RPS6KA2: variants seen among roughly 807,000 people sequenced by gnomAD.
RPS6KA2 encodes the protein ribosomal protein S6 kinase A2, also known as ribosomal protein S6 kinase alpha-2.
A neutral mutation model predicts 91.8 loss-of-function variants in RPS6KA2; 42 were observed. The observed-to-expected ratio is 0.46, with a 90% CI of 0.36 to 0.59. The LOEUF is 0.59. RPS6KA2 is among the 20% of genes least tolerant of loss of function. The pLI is 0.00. For missense variants in RPS6KA2, 798 were observed against 978.5 expected (o/e 0.82, Z 2.46); for synonymous variants, 414 against 393.6 (o/e 1.05, Z -0.61).
chr6:166,538,598 AG>A (rs777634457), intron 2 of RPS6KA2, 69 bp downstream of exon 2: 41 of 861,472 alleles, frequency 4.8e-5, no homozygotes, highest in Middle Eastern at 2.2e-4. Flanking sequence ...ATTTTCATCC[AG>A]GGGGGCTCTG....
chr6:166,720,990 A>G (rs1403952694), intron 2 of RPS6KA2, among the ~76,000 whole-genome samples: 2 of 152,210 alleles, frequency 1.3e-5, no homozygotes, highest in African/African-American at 4.8e-5. Flanking sequence ...GTTAAAAGTC[A>G]TCTTACATAC....
intron 2 of RPS6KA2, among the ~76,000 whole-genome samples, chr6:166,700,441 T>C (rs944578482): frequency 3.9e-5 from 6 of 152,180 alleles, no homozygotes; most frequent in African/African-American, 1.4e-4. Flanking sequence ...TTTAAATTTA[T>C]TTTTTAAAAA....
chr6:166,805,697 A>G (rs1779476377), intron 2 of RPS6KA2, among the ~76,000 whole-genome samples: 1 of 152,200 alleles, frequency 6.6e-6, no homozygotes, highest in South Asian at 2.1e-4. Context: ...ATTAGATTCC[A>G]ATGTCCAGTT....
intron 2 of RPS6KA2, among the ~76,000 whole-genome samples, chr6:166,741,029 C>T (rs997520901): frequency 5.9e-5 from 9 of 152,212 alleles, no homozygotes; most frequent in Non-Finnish European, 1.5e-5. Flanking sequence ...CATGCAGCAA[C>T]GTTCAACAGC....
rs991894747 is a variant in RPS6KA2, at chr6:166,612,195, G to C, written c.99+14726C>G. 6.6e-6 allele frequency among the ~76,000 whole-genome samples: 1 copy of C among 152,084 alleles called. No homozygotes were observed. Among genetic ancestry groups the C allele is most frequent in the African/African-American group, 2.4e-5 (1 of 41,398 alleles). The stretch of plus-strand genomic sequence containing the variant: ...CAGGGAACTCACTGACCATCTGGGG[G>C]GGCTCTAGGAAAAGCCTGGAAGAGA... On this transcript the variant is annotated intron_variant, in intron 1 of 20. Coordinates refer to ENST00000265678, the MANE Select transcript of RPS6KA2 (RefSeq NM_021135.6). This position sits in a 1 kb window ranked among gnomAD's most constrained non-coding sequence, Gnocchi z 4.3.
intron 2 of RPS6KA2, among the ~76,000 whole-genome samples, chr6:166,783,870 C>T (rs1411217761): frequency 2.0e-5 from 2 of 99,494 alleles, no homozygotes; most frequent in Non-Finnish European, 4.3e-5. Context: ...CACGTGCACA[C>T]CTACGCATCA....
chr6:166,560,237 C>T (rs1038251226), intron 1 of RPS6KA2, among the ~76,000 whole-genome samples: 1 of 152,214 alleles, frequency 6.6e-6, no homozygotes, highest in Admixed American at 6.5e-5. Context: ...GGTTCTATCA[C>T]CAATGGGCCC....
intron 1 of RPS6KA2, among the ~76,000 whole-genome samples, chr6:166,573,630 C>G (rs1784754310): frequency 6.6e-6 from 1 of 152,220 alleles, no homozygotes; most frequent in Non-Finnish European, 1.5e-5. Context: ...CACACTGACT[C>G]TGTGGCTCCG....
At chr6:166,711,503 C>T (rs948061358) in intron 2 of RPS6KA2, among the ~76,000 whole-genome samples, 5 of 150,796 alleles carry the variant, frequency 3.3e-5, no homozygotes, top group African/African-American at 1.2e-4. Context: ...CAAGCAATCA[C>T]AAACCAGCCT....
intron 2 of RPS6KA2, among the ~76,000 whole-genome samples, chr6:166,793,472 A>G (rs1431644773): frequency 4.0e-5 from 6 of 150,218 alleles, no homozygotes; most frequent in African/African-American, 1.2e-4. Context: ...CAAGCTACCA[A>G]TGACTTTCTT....
chr6:166,836,348 C>A, intron 2 of RPS6KA2, among the ~76,000 whole-genome samples: 1 of 152,132 alleles, frequency 6.6e-6, no homozygotes, highest in East Asian at 1.9e-4. Context: ...CGATAGAATT[C>A]ACTAGTGAAT....
chr6:166,653,236 T>C (rs1219692935), intron 2 of RPS6KA2, among the ~76,000 whole-genome samples: 1 of 152,238 alleles, frequency 6.6e-6, no homozygotes, highest in Non-Finnish European at 1.5e-5. Context: ...AATTTTTGTA[T>C]GTTTAGTAGA....
intron 2 of RPS6KA2, among the ~76,000 whole-genome samples, chr6:166,775,029 C>A (rs943425100): frequency 6.6e-6 from 1 of 152,154 alleles, no homozygotes; most frequent in Admixed American, 6.5e-5. Context: ...GCCCAGCCTG[C>A]ACCTGCGCTC....
At chr6:166,845,373 T>G (rs1780580092) in intron 2 of RPS6KA2, among the ~76,000 whole-genome samples, 1 of 152,128 alleles carries the variant, frequency 6.6e-6, no homozygotes, top group Non-Finnish European at 1.5e-5. Context: ...TTAACAGATA[T>G]TTACAGAACA....
In RPS6KA2 at chr6:166,554,288, C is replaced by T. The variant is rs552422056; in HGVS notation, c.100-15504G>A. 6.6e-4 allele frequency among the ~76,000 whole-genome samples: 101 copies of T among 152,300 alleles called. No individual in the cohort carries two copies. Among genetic ancestry groups the T allele is most frequent in the Non-Finnish European group, 1.1e-3 (73 of 68,028 alleles). On this transcript the variant is annotated intron_variant, in intron 1 of 20. Transcript: ENST00000265678. The surrounding 1 kb of genome is among the most constrained non-coding windows in gnomAD (Gnocchi z 4.3). The stretch of plus-strand genomic sequence containing the variant: ...AGTAAGAGATCTGCAAAATTTTGCT[C>T]GTTCGTGAGCATTTTAGCTTCTGTT...
chr6:166,774,396 C>T (rs979164635), intron 2 of RPS6KA2, among the ~76,000 whole-genome samples: 1 of 152,214 alleles, frequency 6.6e-6, no homozygotes, highest in Non-Finnish European at 1.5e-5. Context: ...TGGACACTTT[C>T]AAGTGGTGCT....
rs1781743356 is a variant in RPS6KA2, at chr6:166,495,175, C to T, written c.747+3333G>A. On this transcript the variant is annotated intron_variant, in intron 8 of 20. Transcript: ENST00000265678. The surrounding 1 kb of genome is among the most constrained non-coding windows in gnomAD (Gnocchi z 4.4). Reference sequence around the variant, plus strand: ...TTCAGCTTTAGTTTTCATTTCTGTGCACAGAAAGAATACCGTCTTTCCTGC... The same window carrying T: ...TTCAGCTTTAGTTTTCATTTCTGTGTACAGAAAGAATACCGTCTTTCCTGC... Among the ~76,000 whole-genome samples, 1 of 152,202 alleles carries T rather than the reference C, an allele frequency of 6.6e-6. No homozygotes were observed. Among genetic ancestry groups the T allele is most frequent in the Admixed American group, 6.5e-5 (1 of 15,286 alleles).
chr6:166,789,254 C>A (rs1416512886), intron 2 of RPS6KA2, among the ~76,000 whole-genome samples: 2 of 152,244 alleles, frequency 1.3e-5, no homozygotes, highest in Non-Finnish European at 2.9e-5. Context: ...CGGAGTCTCG[C>A]TGATTGCTAG....
chr6:166,588,298 T>C (rs1785245727), intron 1 of RPS6KA2, among the ~76,000 whole-genome samples: 1 of 152,180 alleles, frequency 6.6e-6, no homozygotes, highest in Admixed American at 6.5e-5. Context: ...CCTATGAGTG[T>C]GTGCAGCTGC....
Sources: gnomAD v4.1 joint callset for allele counts (sites outside exome capture counted in the v4.1 genomes callset) on GRCh38, gnomAD v4.1.1 for gene constraint, Gnocchi (gnomAD v3.1) non-coding constraint, MANE v1.5 for transcripts, NCBI Gene and HGNC (gene_info 2026-07-23, HGNC 2026-07-21) for gene names.